Variants in PTPN13 observed in about 807,000 individuals in gnomAD.
PTPN13 encodes tyrosine-protein phosphatase non-receptor type 13.
A neutral mutation model predicts 284.0 loss-of-function variants in PTPN13; 191 were observed. The observed-to-expected ratio is 0.67, with a 90% CI of 0.60 to 0.76. PTPN13 has a LOEUF of 0.76. Among genes scored for constraint, PTPN13 ranks in the 30% least tolerant of loss-of-function variants. The pLI, the probability that PTPN13 is intolerant of heterozygous loss-of-function variation, is 0.00. For synonymous variants in PTPN13, 986 were observed against 1,022.3 expected, an observed-to-expected ratio of 0.96 and a Z score of 0.68; for missense variants, 2,797 against 2,939.9, an observed-to-expected ratio of 0.95 and a Z score of 1.12.
chr4:86,647,091 TATAAA>T (rs574306007), intron 2 of PTPN13, among the ~76,000 whole-genome samples: 33 of 152,286 alleles, frequency 2.2e-4, no homozygotes, highest in African/African-American at 7.2e-4. Flanking sequence ...AGCAGGGAAT[TATAAA>T]AGAGCATGAG....
intron 6 of PTPN13, among the ~76,000 whole-genome samples, chr4:86,696,354 G>A (rs757700340): frequency 5.9e-5 from 9 of 151,860 alleles, no homozygotes; most frequent in Non-Finnish European, 1.2e-4. Flanking sequence ...TATATTTGTA[G>A]TATACTTCTT....
At chr4:86,747,774 T>C (rs71633353) in intron 17 of PTPN13, among the ~76,000 whole-genome samples, 12,446 of 152,276 alleles carry the variant, frequency 0.082, 646 homozygotes, top group Non-Finnish European at 0.11. Context: ...TGATCTATAT[T>C]TTTCCCCTTG....
At chr4:86,787,637 C>A (rs1742104438) in intron 40 of PTPN13, among the ~76,000 whole-genome samples, 1 of 150,726 alleles carries the variant, frequency 6.6e-6, no homozygotes, top group Admixed American at 6.6e-5. Flanking sequence ...TTATCTTATT[C>A]ATCTGAGGTA....
At chr4:86,793,086 C>G (rs1742875636) in intron 40 of PTPN13, among the ~76,000 whole-genome samples, 1 of 151,982 alleles carries the variant, frequency 6.6e-6, no homozygotes, top group Non-Finnish European at 1.5e-5. Flanking sequence ...GAGTCAAGAC[C>G]CATTGGTGTG....
chr4:86,734,708 A>G (rs950794296), intron 13 of PTPN13, 29 bp from the exon 14 acceptor site: 2 of 1,590,532 alleles, frequency 1.3e-6, no homozygotes, highest in Admixed American at 1.7e-5. Context: ...ATCAAAGGCC[A>G]AGATGTCTGT....
rs751640712 is a variant in PTPN13 at position 86,750,899 on chromosome 4, T to A, written c.3068+12T>A. On this transcript the variant is annotated intron_variant, in intron 18 of 47. Transcript: ENST00000411767. The stretch of plus-strand genomic sequence containing the variant: ...ACAAAACTTAATAAGTAAGAACATA[T>A]TAACTAACCCAATTACATATTTGTA... 6.2e-7 allele frequency: 1 copy of A among 1,606,002 alleles called. No homozygotes were observed. Among genetic ancestry groups the A allele is most frequent in the South Asian group, 1.1e-5 (1 of 89,576 alleles).
chr4:86,810,103 AT>A, intron 46 of PTPN13, 119 bp downstream of exon 46: 1 of 712,424 alleles, frequency 1.4e-6, no homozygotes, highest in Non-Finnish European at 2.2e-6. Flanking sequence ...GACTGCCTTC[AT>A]TTTCTTCTTA....
At chr4:86,789,103 T>C (rs1243191345) in intron 40 of PTPN13, among the ~76,000 whole-genome samples, 1 of 152,026 alleles carries the variant, frequency 6.6e-6, no homozygotes, top group Non-Finnish European at 1.5e-5. Flanking sequence ...TCATTGCGAG[T>C]AGGGTATCAC....
Position 86,635,360 on chromosome 4 carries a change from T to A in PTPN13, c.104T>A (p.Leu35Ter). The A allele has an allele frequency of 6.3e-7, 1 of 1,596,908 alleles. No homozygotes were observed. The highest frequency in any genetic ancestry group is 8.5e-7 in the Non-Finnish European group (1 of 1,171,614). ...LNQSAESLQE[L>*]FRKVSLADPA... The stretch of plus-strand genomic sequence containing the variant: ...CAAAGTGCTGAAAGTCTCCAAGAAT[T>A]ATTCAGAAAAGGTAAGCTGCTGCTG... The change falls in exon 2 of 48, where the codon TTA becomes TAA. Residue 35 changes from leucine (L) to a stop codon, truncating the protein, a stop_gained. Coordinates refer to ENST00000411767, the MANE Select transcript of PTPN13 (RefSeq NM_080683.3). LOFTEE classifies it high-confidence loss of function.
At chr4:86,616,648 A>G (rs1348249628) in intron 1 of PTPN13, among the ~76,000 whole-genome samples, 2 of 151,936 alleles carry the variant, frequency 1.3e-5, no homozygotes, top group Non-Finnish European at 2.9e-5. Flanking sequence ...GTTTAAAAGT[A>G]TGTGACACCT....
At chr4:86,658,837 A>C (rs1297566710) in intron 2 of PTPN13, among the ~76,000 whole-genome samples, 1 of 152,186 alleles carries the variant, frequency 6.6e-6, no homozygotes, top group Non-Finnish European at 1.5e-5. Context: ...CACGTAGATT[A>C]ATGGGATTGG....
chr4:86,773,341 A>G (rs1050339998), intron 32 of PTPN13, among the ~76,000 whole-genome samples: 1 of 152,102 alleles, frequency 6.6e-6, no homozygotes, highest in Admixed American at 6.5e-5. Flanking sequence ...CTTAGTAAAT[A>G]TTATTTTTGT....
chr4:86,747,971 A>T (rs911379191), intron 17 of PTPN13, among the ~76,000 whole-genome samples: 2 of 152,202 alleles, frequency 1.3e-5, no homozygotes, highest in Non-Finnish European at 2.9e-5. Context: ...TTCAGAGAAG[A>T]TAGTGTTTTG....
At chr4:86,767,489 G>T (rs1007398941) in intron 27 of PTPN13, among the ~76,000 whole-genome samples, 1 of 151,690 alleles carries the variant, frequency 6.6e-6, no homozygotes, top group African/African-American at 2.4e-5. Flanking sequence ...CAGGTGATCT[G>T]CCCACCTTGG....
chr4:86,614,305 A>T (rs1008172940), intron 1 of PTPN13, among the ~76,000 whole-genome samples: 1 of 152,178 alleles, frequency 6.6e-6, no homozygotes, highest in Admixed American at 6.5e-5. Flanking sequence ...TATTAGTTTA[A>T]ATGAATTGTT....
At chr4:86,616,732 C>T (rs1720591135) in intron 1 of PTPN13, among the ~76,000 whole-genome samples, 1 of 152,136 alleles carries the variant, frequency 6.6e-6, no homozygotes. Context: ...TCCTTCTAAG[C>T]TTCCTGAGAT....
chr4:86,672,671 G>T, intron 3 of PTPN13, 128 bp downstream of exon 3: 1 of 684,882 alleles, frequency 1.5e-6, no homozygotes, highest in Non-Finnish European at 2.2e-6. Flanking sequence ...ATTCCAAGAA[G>T]TTCAGTTATT....
intron 3 of PTPN13, among the ~76,000 whole-genome samples, chr4:86,680,835 T>A (rs184801221): frequency 2.0e-5 from 3 of 152,356 alleles, no homozygotes; most frequent in Admixed American, 2.0e-4. Context: ...CTTCTTTGCA[T>A]GGCAATGCCT....
intron 2 of PTPN13, among the ~76,000 whole-genome samples, chr4:86,659,926 C>A (rs1726286145): frequency 1.3e-5 from 2 of 151,780 alleles, no homozygotes; most frequent in Admixed American, 1.3e-4. Flanking sequence ...TGATGTCTTT[C>A]TAAACTTTGG....
Sources: allele counts gnomAD v4.1 joint callset (sites outside exome capture counted in the v4.1 genomes callset), GRCh38; gene constraint gnomAD v4.1.1; transcripts MANE v1.5; gene names NCBI Gene and HGNC (gene_info 2026-07-23, HGNC 2026-07-21).